The following HPS5 variants were observed in gnomAD, a reference collection of about 807,000 sequenced individuals.
The protein encoded by HPS5 is HPS5 biogenesis of lysosomal organelles complex 2 subunit 2, also known as BLOC-2 complex member HPS5.
In HPS5, 83 loss-of-function variants were observed where a neutral mutation model predicts 128.0. The ratio of observed to expected loss-of-function variants is 0.65; its 90% CI spans 0.54 to 0.78. The LOEUF is 0.78. Among genes scored for constraint, HPS5 ranks in the 30% least tolerant of loss-of-function variants. HPS5 has a pLI of 0.00. For synonymous variants in HPS5, 475 were observed against 470.2 expected (o/e 1.01, Z -0.13); for missense variants, 1,281 against 1,326.2 (o/e 0.97, Z 0.53).
At chr11:18,312,787 T>C (rs746634921) in intron 2 of HPS5, among the ~76,000 whole-genome samples, 205 of 152,290 alleles carry the variant, frequency 1.3e-3, no homozygotes, top group Non-Finnish European at 2.1e-3. Flanking sequence ...AGGACACATA[T>C]TGCAAAAGCA....
At chr11:18,297,973 G>A (rs56108068) in intron 10 of HPS5, among the ~76,000 whole-genome samples, 399 of 151,668 alleles carry the variant, frequency 2.6e-3, no homozygotes, top group Non-Finnish European at 4.7e-3. Flanking sequence ...CCAGCTACTC[G>A]GGAGGCTGAG....
chr11:18,279,989 C>A, intron 22 of HPS5, 47 bp from the exon 23 acceptor site: 1 of 1,570,742 alleles, frequency 6.4e-7, no homozygotes, highest in South Asian at 1.1e-5. Context: ...TGTCATTGTT[C>A]ATTCTTCACA....
Position 18,298,967 on chromosome 11 carries a change from A to G in HPS5, c.989T>C (p.Ile330Thr), listed in dbSNP as rs910077608. 2 of 1,614,182 alleles carry G rather than the reference A, an allele frequency of 1.2e-6. No individual in the cohort carries two copies. The highest frequency in any genetic ancestry group is 1.7e-6 in the Non-Finnish European group (2 of 1,179,990). ...QVLLWSEVKD[I>T]QDVAVCRNEL... Reference sequence around the variant, plus strand: ...ATTCCTACAGACAGCCACATCCTGAATATCTACGAAAACCACAGGTGTGAA... The same window carrying G: ...ATTCCTACAGACAGCCACATCCTGAGTATCTACGAAAACCACAGGTGTGAA... Residue 330 changes from isoleucine (I) to threonine (T), a missense_variant, in exon 10 of 23, where the codon ATT (isoleucine) becomes ACT (threonine). By Grantham distance (89) the Ile-to-Thr change is moderately conservative. Coordinates refer to ENST00000349215, the MANE Select transcript of HPS5 (RefSeq NM_181507.2).
At chr11:18,318,944 G>A (rs1029550361) in intron 1 of HPS5, among the ~76,000 whole-genome samples, 2 of 148,598 alleles carry the variant, frequency 1.3e-5, no homozygotes, top group African/African-American at 5.0e-5. Context: ...GTGGCAAAAC[G>A]AAGACTATAT....
At chr11:18,320,840 G>C (rs1321148055) in intron 1 of HPS5, among the ~76,000 whole-genome samples, 1 of 152,166 alleles carries the variant, frequency 6.6e-6, no homozygotes, top group Non-Finnish European at 1.5e-5. Context: ...CCTAAAAACA[G>C]TATTAGTTGT....
At chr11:18,307,380 A>G (rs1009946604) in intron 6 of HPS5, among the ~76,000 whole-genome samples, 4 of 152,230 alleles carry the variant, frequency 2.6e-5, no homozygotes, top group Non-Finnish European at 1.5e-5. Context: ...ACATAGGTGT[A>G]AGAGTGCTTT....
At chr11:18,287,825 T>TA in intron 17 of HPS5, 68 bp downstream of exon 17, 14 of 1,606,940 alleles carry the variant, frequency 8.7e-6, no homozygotes, top group South Asian at 1.1e-5. Context: ...AGTAACATGT[T>TA]AGAGACTAAA....
At chr11:18,305,387 T>C (rs371881673) in intron 8 of HPS5, 35 bp downstream of exon 8, 684 of 1,371,070 alleles carry the variant, frequency 5.0e-4, no homozygotes, top group South Asian at 8.7e-4. Flanking sequence ...AAGTATTCTT[T>C]TTCCCCCCCA....
intron 9 of HPS5, among the ~76,000 whole-genome samples, chr11:18,299,302 C>A (rs1861439032): frequency 6.6e-6 from 1 of 152,142 alleles, no homozygotes; most frequent in South Asian, 2.1e-4. Flanking sequence ...AGTGTTACAA[C>A]CTGGTCCTCA....
chr11:18,292,909 C>T lies in HPS5; in HGVS notation c.1852G>A (p.Ala618Thr). The change falls in exon 15 of 23, where the codon GCA becomes ACA. Residue 618 changes from alanine to threonine, a missense_variant. Physicochemically the swap from Ala to Thr is moderately conservative, Grantham distance 58. Coordinates refer to ENST00000349215, the MANE Select transcript of HPS5 (RefSeq NM_181507.2). ...TCTCATTATACTCACATTGCTTCTG[C>T]TGTTGCTACTTTAAGCTCCTGGAAC... ...DRFQELKVAT[A>T]EAMTKLQDPL... 6.2e-7 allele frequency: 1 copy of T among 1,612,602 alleles called. No individual in the cohort carries two copies. Among genetic ancestry groups the T allele is most frequent in the Non-Finnish European group, 8.5e-7 (1 of 1,178,544 alleles).
At chr11:18,316,169 T>C (rs376547619) in intron 2 of HPS5, among the ~76,000 whole-genome samples, 6 of 152,136 alleles carry the variant, frequency 3.9e-5, no homozygotes, top group African/African-American at 1.4e-4. Flanking sequence ...GTATCGAGTA[T>C]GTTTAGTCCC....
intron 14 of HPS5, among the ~76,000 whole-genome samples, chr11:18,294,018 G>A (rs113453515): frequency 0.028 from 4,214 of 152,296 alleles, 167 homozygotes; most frequent in African/African-American, 0.088. Flanking sequence ...CTGGTCCCAT[G>A]GGTTTCTCTC....
chr11:18,298,858 T>G lies in HPS5; in HGVS notation c.1098A>C (p.Arg366Ser), dbSNP rs781472058. Residue 366 changes from arginine (R) to serine (S), a missense_variant, in exon 10 of 23, where the codon AGA (arginine) becomes AGC (serine). Physicochemically the swap from Arg to Ser is moderately radical, Grantham distance 110. Transcript: ENST00000349215. ...SVERCVERLL[R>S]RGLWNLAART... is the part of the protein sequence containing the mutation. ...GAGCAGCCAAGTTCCATAGGCCTCTTCTTAGCAGGCGTTCCACACAGCGCT... is the reference window on the plus strand; with the variant it reads ...GAGCAGCCAAGTTCCATAGGCCTCTGCTTAGCAGGCGTTCCACACAGCGCT... The G allele has an allele frequency of 5.0e-6, 8 of 1,614,040 alleles. No homozygotes were observed. Among genetic ancestry groups the G allele is most frequent in the Non-Finnish European group, 6.8e-6 (8 of 1,180,026 alleles).
chr11:18,318,449 A>AG (rs1863901728), intron 1 of HPS5, among the ~76,000 whole-genome samples: 1 of 152,202 alleles, frequency 6.6e-6, no homozygotes, highest in African/African-American at 2.4e-5. Context: ...GAACAGATCT[A>AG]CTAAGTGAGA....
chr11:18,294,060 C>T (rs1459113457), intron 14 of HPS5, among the ~76,000 whole-genome samples: 1 of 152,126 alleles, frequency 6.6e-6, no homozygotes, highest in Non-Finnish European at 1.5e-5. Flanking sequence ...AATTTGTTTG[C>T]CTTTAATACC....
Position 18,279,586 on chromosome 11 carries a change from C to A in HPS5, c.*296G>T. ...GCAACAAGCAGTTAATACTGTAGTT[C>A]GGAATAATACTAGGACATTAACATT... On this transcript the variant is annotated 3_prime_UTR_variant, in exon 23 of 23. Coordinates refer to ENST00000349215, the MANE Select transcript of HPS5 (RefSeq NM_181507.2). 2.3e-6 allele frequency: 1 copy of A among 426,778 alleles called. No individual in the cohort carries two copies. The highest frequency in any genetic ancestry group is 2.4e-5 in the South Asian group (1 of 41,556). 26.4% of individuals were successfully genotyped at this position (426,778 alleles called of 1,614,324 possible).
At chr11:18,308,868 G>T in intron 6 of HPS5, 78 bp downstream of exon 6, 2 of 1,409,218 alleles carry the variant, frequency 1.4e-6, no homozygotes, top group Non-Finnish European at 2.0e-6. Context: ...GATTGATGGG[G>T]CTTGGGGTAG....
chr11:18,294,909 G>A, intron 14 of HPS5, 111 bp downstream of exon 14: 1 of 1,119,280 alleles, frequency 8.9e-7, no homozygotes, highest in Non-Finnish European at 1.3e-6. Context: ...AAGCCGTCCT[G>A]GAACACATGA....
At chr11:18,313,133 T>G (rs1863196394) in intron 2 of HPS5, among the ~76,000 whole-genome samples, 3 of 152,190 alleles carry the variant, frequency 2.0e-5, no homozygotes, top group Admixed American at 1.3e-4. Context: ...ACCACATCAT[T>G]CCTGAGTTTA....
Sources: gnomAD v4.1 joint callset for allele counts (sites outside exome capture counted in the v4.1 genomes callset) on GRCh38, gnomAD v4.1.1 for gene constraint, MANE v1.5 for transcripts, NCBI Gene and HGNC (gene_info 2026-07-23, HGNC 2026-07-21) for gene names.